Variants in FSTL5 observed in about 807,000 individuals in gnomAD.
FSTL5 encodes follistatin-related protein 5.
In FSTL5, 62 loss-of-function variants were observed where a neutral mutation model predicts 89.1. That is an observed-to-expected ratio of 0.70 (90% confidence interval 0.57 to 0.86). FSTL5 has a LOEUF of 0.86. Ranked by LOEUF, FSTL5 falls within the 40% of genes least tolerant of loss-of-function variation. The pLI, the probability that FSTL5 is intolerant of heterozygous loss-of-function variation, is 0.00. For missense variants in FSTL5, 1,057 were observed against 1,001.6 expected (o/e 1.06, Z -0.75); for synonymous variants, 383 against 346.2 (o/e 1.11, Z -1.18).
chr4:161,589,188 T>G (rs199986227), intron 7 of FSTL5, among the ~76,000 whole-genome samples: 1 of 121,654 alleles, frequency 8.2e-6, no homozygotes, highest in Non-Finnish European at 1.8e-5. Flanking sequence ...TTGTTTGTTT[T>G]TTGAGATGGA....
At chr4:161,884,248 G>A (rs1213772746) in intron 4 of FSTL5, among the ~76,000 whole-genome samples, 1 of 151,894 alleles carries the variant, frequency 6.6e-6, no homozygotes. Flanking sequence ...ATATTGGCCA[G>A]ACTGGTCTCA....
At chr4:161,574,213 G>A (rs977033476) in intron 8 of FSTL5, among the ~76,000 whole-genome samples, 6 of 152,050 alleles carry the variant, frequency 3.9e-5, no homozygotes, top group African/African-American at 1.4e-4. Context: ...TGCCATATAA[G>A]GTAACATTCA....
chr4:161,694,556 A>T, intron 6 of FSTL5, among the ~76,000 whole-genome samples: 1 of 152,046 alleles, frequency 6.6e-6, no homozygotes, highest in East Asian at 1.9e-4. Context: ...CTCTTTGAAA[A>T]TATTTATTCA....
chr4:161,761,477 A>G (rs926553405), intron 5 of FSTL5, among the ~76,000 whole-genome samples: 3 of 152,198 alleles, frequency 2.0e-5, no homozygotes, highest in Admixed American at 6.5e-5. Flanking sequence ...TTATTCAGAC[A>G]TTTTAATGAC....
At chr4:161,720,929 C>T (rs1275072793) in intron 6 of FSTL5, among the ~76,000 whole-genome samples, 5 of 152,056 alleles carry the variant, frequency 3.3e-5, no homozygotes, top group Non-Finnish European at 7.4e-5. Context: ...TGAGTAAGTC[C>T]TGGAGATGTA....
At chr4:161,611,306 T>C (rs1446322618) in intron 7 of FSTL5, among the ~76,000 whole-genome samples, 4 of 147,806 alleles carry the variant, frequency 2.7e-5, no homozygotes, top group African/African-American at 7.4e-5. Context: ...ATTTATTACG[T>C]AAAGGACTGT....
chr4:161,889,921 T>A (rs186774185), intron 4 of FSTL5, among the ~76,000 whole-genome samples: 1 of 152,344 alleles, frequency 6.6e-6, no homozygotes, highest in East Asian at 1.9e-4. Flanking sequence ...AAAGTTGAGT[T>A]ATTTCCATTT....
intron 7 of FSTL5, among the ~76,000 whole-genome samples, chr4:161,598,497 G>A (rs944805314): frequency 4.6e-5 from 7 of 152,014 alleles, no homozygotes; most frequent in Non-Finnish European, 7.4e-5. Flanking sequence ...GAAATAGAAA[G>A]AGAAAACAAA....
intron 4 of FSTL5, among the ~76,000 whole-genome samples, chr4:161,822,436 G>A (rs1475985525): frequency 6.6e-6 from 1 of 152,208 alleles, no homozygotes; most frequent in African/African-American, 2.4e-5. Flanking sequence ...ACAGCCAGGT[G>A]TGCTAGCTGC....
At chr4:161,944,693 C>T (rs1040755993) in intron 3 of FSTL5, among the ~76,000 whole-genome samples, 6 of 151,534 alleles carry the variant, frequency 4.0e-5, no homozygotes, top group Admixed American at 2.6e-4. Flanking sequence ...ATCATACATA[C>T]ATTTAAAGTA....
intron 7 of FSTL5, among the ~76,000 whole-genome samples, chr4:161,598,179 A>G (rs1276640259): frequency 1.3e-5 from 2 of 152,108 alleles, no homozygotes; most frequent in Non-Finnish European, 1.5e-5. Context: ...GTTTGAGACC[A>G]GCCTGGCCAA....
chr4:161,772,496 C>T (rs1316621913), intron 5 of FSTL5, among the ~76,000 whole-genome samples: 1 of 151,870 alleles, frequency 6.6e-6, no homozygotes, highest in East Asian at 1.9e-4. Context: ...ATGAATTCAG[C>T]AGTTTCAGGA....
intron 3 of FSTL5, among the ~76,000 whole-genome samples, chr4:161,952,761 C>A (rs7660749): frequency 0.011 from 1,674 of 151,872 alleles, 28 homozygotes; most frequent in African/African-American, 0.038. Flanking sequence ...TTAATTGAGA[C>A]CTTTTAATTT....
intron 15 of FSTL5, among the ~76,000 whole-genome samples, chr4:161,401,421 AT>A (rs1488294050): frequency 6.6e-6 from 1 of 152,252 alleles, no homozygotes; most frequent in African/African-American, 2.4e-5. Flanking sequence ...ATTATGCTAA[AT>A]CCAAGAATAC....
At chr4:161,581,608 A>C (rs1336780099) in intron 8 of FSTL5, among the ~76,000 whole-genome samples, 1 of 152,224 alleles carries the variant, frequency 6.6e-6, no homozygotes, top group Non-Finnish European at 1.5e-5. Flanking sequence ...TCAGTAATGA[A>C]GGTCATGCTT....
At chr4:161,416,653 G>A (rs994705134) in intron 15 of FSTL5, among the ~76,000 whole-genome samples, 4 of 151,998 alleles carry the variant, frequency 2.6e-5, no homozygotes, top group Non-Finnish European at 4.4e-5. Flanking sequence ...GACCATCCTG[G>A]CTAACATGGT....
At position 162,075,325 on chromosome 4, in the gene FSTL5, A is replaced by G. The variant is rs142514471; in HGVS notation, c.126+35946T>C. 2.7e-3 allele frequency among the ~76,000 whole-genome samples: 405 copies of G among 151,978 alleles called. 2 individuals carry two copies. The highest frequency in any genetic ancestry group is 9.4e-3 in the African/African-American group (390 of 41,520). ...GGTTTCTCCAATTAGATGAATTTGC[A>G]TAAGATTTGGAGTCACTGAGACAGA... On this transcript the variant is annotated intron_variant, in intron 2 of 15. Coordinates refer to ENST00000306100, the MANE Select transcript of FSTL5 (RefSeq NM_020116.5).
At chr4:161,544,443 A>G (rs1490007225) in intron 8 of FSTL5, among the ~76,000 whole-genome samples, 1 of 151,996 alleles carries the variant, frequency 6.6e-6, no homozygotes, top group Admixed American at 6.6e-5. Flanking sequence ...ATCCATGGTG[A>G]CAGAAAGCAG....
At chr4:161,854,598 T>C (rs1445462685) in intron 4 of FSTL5, among the ~76,000 whole-genome samples, 1 of 152,160 alleles carries the variant, frequency 6.6e-6, no homozygotes, top group Non-Finnish European at 1.5e-5. Context: ...CAAAATAATT[T>C]TGTAGATTCT....
Sources: allele counts gnomAD v4.1 joint callset (sites outside exome capture counted in the v4.1 genomes callset), GRCh38; gene constraint gnomAD v4.1.1; transcripts MANE v1.5; gene names NCBI Gene and HGNC (gene_info 2026-07-23, HGNC 2026-07-21).